Variants in PCSK5 observed in about 807,000 individuals in gnomAD.
The protein encoded by PCSK5 is prohormone convertase 5.
A neutral mutation model predicts 233.2 loss-of-function variants in PCSK5; 129 were observed. The observed-to-expected ratio is 0.55, with a 90% CI of 0.48 to 0.64. The LOEUF is 0.64. Among genes scored for constraint, PCSK5 ranks in the 30% least tolerant of loss-of-function variants. PCSK5 has a pLI of 0.00. For missense variants in PCSK5, 2,076 were observed against 2,430.1 expected, an observed-to-expected ratio of 0.85 and a Z score of 3.06; for synonymous variants, 825 against 879.2, an observed-to-expected ratio of 0.94 and a Z score of 1.09.
chr9:76,286,929 A>G, intron 24 of PCSK5: 1 of 244,068 alleles, frequency 4.1e-6, no homozygotes, highest in South Asian at 5.8e-5. Context: ...CCACTTGTGC[A>G]GCCTGCCCTG....
chr9:76,348,801 G>C (rs1830042670), intron 35 of PCSK5, among the ~76,000 whole-genome samples: 1 of 148,814 alleles, frequency 6.7e-6, no homozygotes, highest in African/African-American at 2.5e-5. Flanking sequence ...AGTCCCCTCA[G>C]CCCCCCAGCC....
intron 27 of PCSK5, among the ~76,000 whole-genome samples, chr9:76,300,888 C>T (rs1020660943): frequency 2.0e-5 from 3 of 152,156 alleles, no homozygotes; most frequent in Non-Finnish European, 2.9e-5. Flanking sequence ...AATAAAGTCT[C>T]GTCTACTCCC....
intron 1 of PCSK5, among the ~76,000 whole-genome samples, chr9:75,901,285 G>A (rs1587332658): frequency 6.6e-6 from 1 of 152,158 alleles, no homozygotes; most frequent in African/African-American, 2.4e-5. Flanking sequence ...GGAATACTAT[G>A]CAGCCATAAA....
At chr9:76,179,727 C>CA (rs1385264754) in intron 15 of PCSK5, 29 bp downstream of exon 15, 2 of 1,440,048 alleles carry the variant, frequency 1.4e-6, no homozygotes, top group Admixed American at 3.3e-5. Context: ...CACATCCCCA[C>CA]AGCATGTGCC....
chr9:75,915,145 C>T (rs551410831), intron 1 of PCSK5, among the ~76,000 whole-genome samples: 1 of 152,266 alleles, frequency 6.6e-6, no homozygotes, highest in East Asian at 1.9e-4. Flanking sequence ...GATGACTTTT[C>T]CAAGTAGGAA....
chr9:75,933,831 G>C (rs985298586), intron 2 of PCSK5, among the ~76,000 whole-genome samples: 1 of 152,074 alleles, frequency 6.6e-6, no homozygotes, highest in Non-Finnish European at 1.5e-5. Context: ...TCAAAGCAAA[G>C]TCATATTTTT....
intron 8 of PCSK5, among the ~76,000 whole-genome samples, chr9:76,097,246 C>CTTTTTTTTTTTTTTTTTTTTTTTT (rs71372046): frequency 1.5e-5 from 1 of 67,328 alleles, no homozygotes; most frequent in Non-Finnish European, 2.5e-5. Flanking sequence ...AAGTGCATTT[C>CTTTTTTTTTTTTTTTTTTTTTTTT]TTTTTTTTTT....
intron 12 of PCSK5, among the ~76,000 whole-genome samples, chr9:76,162,513 G>C (rs999001768): frequency 1.3e-5 from 2 of 151,966 alleles, no homozygotes; most frequent in East Asian, 3.9e-4. Flanking sequence ...CTTCATGTTG[G>C]TATGCAAGGC....
chr9:76,180,087 G>GTATATATATATATA (rs1554701013), intron 15 of PCSK5, among the ~76,000 whole-genome samples: 19 of 132,608 alleles, frequency 1.4e-4, no homozygotes, highest in African/African-American at 5.2e-4. Flanking sequence ...GTGTGTGTGT[G>GTATATATATATATA]TATATATATA....
At chr9:76,330,662 G>A (rs1347713401) in intron 33 of PCSK5, among the ~76,000 whole-genome samples, 4 of 151,870 alleles carry the variant, frequency 2.6e-5, no homozygotes, top group Non-Finnish European at 5.9e-5. Flanking sequence ...GACATGCATG[G>A]CAAGCTTTTC....
chr9:76,021,144 C>T (rs1413590886), intron 3 of PCSK5, among the ~76,000 whole-genome samples: 1 of 152,018 alleles, frequency 6.6e-6, no homozygotes, highest in Non-Finnish European at 1.5e-5. Context: ...AGAATATGCC[C>T]CCATTTTTGG....
intron 7 of PCSK5, among the ~76,000 whole-genome samples, chr9:76,082,257 A>G (rs1226840908): frequency 6.6e-6 from 1 of 152,218 alleles, no homozygotes; most frequent in Middle Eastern, 3.2e-3. Context: ...GCTCCTTGGC[A>G]TGGCCAGCAA....
At position 75,989,240 on chromosome 9, in the gene PCSK5, T is replaced by C. The variant is rs550026286; in HGVS notation, c.411+2995T>C. Among the ~76,000 whole-genome samples, 75 of 152,304 alleles carry C rather than the reference T, an allele frequency of 4.9e-4. 1 individual carries two copies. The highest frequency in any genetic ancestry group is 3.4e-3 in the Middle Eastern group (1 of 294). The stretch of plus-strand genomic sequence containing the variant: ...GTAACATAAAAGTGTCTAGCTCTTA[T>C]GTATGAGTGGTATCTTGCTGCATAA... On this transcript the variant is annotated intron_variant, in intron 3 of 37. Transcript: ENST00000674117.
At chr9:75,908,506 A>G (rs1318370753) in intron 1 of PCSK5, among the ~76,000 whole-genome samples, 1 of 152,066 alleles carries the variant, frequency 6.6e-6, no homozygotes, top group East Asian at 1.9e-4. Flanking sequence ...GTCAAAAAGA[A>G]TTGCTTCTTC....
chr9:76,295,460 T>TC, intron 26 of PCSK5, 49 bp downstream of exon 26: 2 of 1,582,200 alleles, frequency 1.3e-6, no homozygotes, highest in Non-Finnish European at 1.7e-6. Context: ...GCACTGGAGC[T>TC]CCACACAGTC....
At chr9:76,132,137 A>G (rs1822784631) in intron 9 of PCSK5, among the ~76,000 whole-genome samples, 1 of 152,072 alleles carries the variant, frequency 6.6e-6, no homozygotes, top group South Asian at 2.1e-4. Context: ...GGCATTCAGG[A>G]TTATCCCTTG....
intron 20 of PCSK5, among the ~76,000 whole-genome samples, chr9:76,227,239 T>C (rs886426089): frequency 5.9e-5 from 9 of 152,216 alleles, no homozygotes; most frequent in Admixed American, 2.0e-4. Context: ...TTATAAAATC[T>C]GTAACACATG....
intron 31 of PCSK5, among the ~76,000 whole-genome samples, chr9:76,321,894 A>T (rs1254763639): frequency 6.6e-6 from 1 of 152,190 alleles, no homozygotes; most frequent in Non-Finnish European, 1.5e-5. Context: ...CACACACAGC[A>T]GATGTGCAAG....
intron 21 of PCSK5, 52 bp from the exon 22 acceptor site, chr9:76,233,408 G>A: frequency 6.3e-7 from 1 of 1,592,510 alleles, no homozygotes; most frequent in Non-Finnish European, 8.6e-7. Flanking sequence ...GATACTTAGG[G>A]CCACTCTGGA....
Sources: gnomAD v4.1 joint callset for allele counts (sites outside exome capture counted in the v4.1 genomes callset) on GRCh38, gnomAD v4.1.1 for gene constraint, MANE v1.5 for transcripts, NCBI Gene and HGNC (gene_info 2026-07-23, HGNC 2026-07-21) for gene names.